Variants in IGSF1 observed in about 807,000 individuals in gnomAD.
IGSF1 encodes the protein immunoglobulin-like domain-containing protein 1.
In IGSF1, 40 loss-of-function variants were observed where a neutral mutation model predicts 95.3. The observed-to-expected ratio is 0.42, with a 90% CI of 0.33 to 0.55. IGSF1 has a LOEUF of 0.55. IGSF1 is among the 20% of genes least tolerant of loss of function. The probability of loss-of-function intolerance (pLI) is 0.10; values close to 1 mark genes in which losing one functional copy is unlikely to be tolerated. For missense variants in IGSF1, 906 were observed against 1,025.4 expected, an observed-to-expected ratio of 0.88 and a Z score of 1.59; for synonymous variants, 372 against 382.9, an observed-to-expected ratio of 0.97 and a Z score of 0.33.
At chrX:131,288,717 GGTTA>G (rs1314007560) in intron 1 of IGSF1, among the ~76,000 whole-genome samples, 1 of 110,770 alleles carries the variant, frequency 9.0e-6, no homozygotes, top group African/African-American at 3.3e-5. Flanking sequence ...CCAAGCCTTG[GGTTA>G]GTTGGCCACG....
At position 131,286,076 on chromosome X, in the gene IGSF1, T is replaced by A. The variant is rs1256916369; in HGVS notation, c.98-28A>T. 5 of 1,149,281 alleles carry A rather than the reference T, an allele frequency of 4.4e-6. No homozygotes were observed. The Admixed American group carries it at 9.3e-5, about 21-fold the overall frequency. The allele number at this position is 1,149,281 out of a possible 1,213,427, so 94.7% of individuals were successfully genotyped here. ...GTTATTCCCAAAGATCAAAAAGATATGAGCAGTCCAACCCTCTCCCTCCCA... is the reference window on the plus strand; with the variant it reads ...GTTATTCCCAAAGATCAAAAAGATAAGAGCAGTCCAACCCTCTCCCTCCCA... On this transcript the variant is annotated intron_variant, in intron 3 of 19. Transcript: ENST00000361420.
rs932262870 is a variant in IGSF1 at position 131,286,166 on chromosome X, G to A, written c.98-118C>T. ...CAGATCCCTCATTTTGTCTTCCCTT[G>A]GGGACAGGAGTGTGCTCCTGTGGGG... On this transcript the variant is annotated intron_variant, in intron 3 of 19. Coordinates refer to ENST00000361420, the MANE Select transcript of IGSF1 (RefSeq NM_001555.5). 23 of 681,114 alleles carry A rather than the reference G, an allele frequency of 3.4e-5. No homozygotes were observed. The Middle Eastern group carries it at 1.5e-3, about 45-fold the overall frequency. The allele number at this position is 681,114 out of a possible 1,213,427, so 56.1% of individuals were successfully genotyped here. A position where few individuals can be genotyped will look rare whatever the true frequency, so the allele number is the denominator to read the frequency against.
At position 131,276,037 on chromosome X, in the gene IGSF1, A is replaced by G; in HGVS notation, c.2820T>C (p.Tyr940=). 8.3e-7 allele frequency: 1 copy of G among 1,209,919 alleles called. No individual in the cohort carries two copies. The highest frequency in any genetic ancestry group is 1.8e-5 in the South Asian group (1 of 56,851). Reference sequence around the variant, plus strand: ...TGGTTGTCTCATAGTAGATACAGCTATAGTTCCCAGAGTCCTCTGCTCCAA... The same window carrying G: ...TGGTTGTCTCATAGTAGATACAGCTGTAGTTCCCAGAGTCCTCTGCTCCAA... The part of the protein sequence containing the change: ...HTVGAEDSGN[Y]SCIYYETTMS... Residue 940 remains tyrosine (Y), a synonymous_variant, in exon 15 of 20, where the codon TAT becomes TAC. Coordinates refer to ENST00000361420, the MANE Select transcript of IGSF1 (RefSeq NM_001555.5).
intron 15 of IGSF1, 82 bp from the exon 16 acceptor site, chrX:131,275,847 C>T (rs1480785823): frequency 8.7e-7 from 1 of 1,155,078 alleles, no homozygotes; most frequent in Non-Finnish European, 1.2e-6. Flanking sequence ...TCTTTCTCCT[C>T]TTGGGCACGG....
intron 2 of IGSF1, 66 bp from the exon 3 acceptor site, chrX:131,286,529 T>G (rs2080640407): frequency 2.6e-6 from 3 of 1,169,029 alleles, no homozygotes; most frequent in Non-Finnish European, 3.5e-6. Context: ...CAAACCTCAA[T>G]ACTTTCCTCT....
rs2080448343 is a variant in IGSF1, at chrX:131,274,131, C to G, written c.3827G>C (p.Gly1276Ala). Residue 1276 changes from glycine to alanine, a missense_variant, in exon 19 of 20, where the codon GGG (glycine) becomes GCG (alanine). Physicochemically the swap from Gly to Ala is moderately conservative, Grantham distance 60. This residue lies in a region of IGSF1 where 411 missense variants were observed against 494.9 expected (regional missense o/e 0.83). Coordinates refer to ENST00000361420, the MANE Select transcript of IGSF1 (RefSeq NM_001555.5). ...CTTCCACTCTATGGCTAGCACTACC[C>G]CCAAGGCTACAACAACCACCACGAT... ...SLIVVVVVALGVVLAIEWKKW... is the reference protein window; with the variant it reads ...SLIVVVVVALAVVLAIEWKKW... 1 of 1,209,646 alleles carries G rather than the reference C, an allele frequency of 8.3e-7. No homozygotes were observed. The highest frequency in any genetic ancestry group is 1.8e-5 in the African/African-American group (1 of 57,061).
chrX:131,289,345 C>G (rs999497115), upstream of IGSF1: 6 of 366,016 alleles, frequency 1.6e-5, no homozygotes, highest in Non-Finnish European at 2.1e-5. Context: ...CTCTCTCCCC[C>G]GCCCGCCTGC....
intron 1 of IGSF1, among the ~76,000 whole-genome samples, chrX:131,288,134 A>T (rs1418509182): frequency 9.0e-6 from 1 of 111,143 alleles, no homozygotes; most frequent in African/African-American, 3.3e-5. Flanking sequence ...TACATTTTTC[A>T]CTTTGTATCA....
At position 131,275,638 on chromosome X, in the gene IGSF1, G is replaced by A. The variant is rs771049802; in HGVS notation, c.3024C>T (p.Ala1008=). 58 of 1,209,581 alleles carry A rather than the reference G, an allele frequency of 4.8e-5. No individual in the cohort carries two copies. The African/African-American group carries it at 9.5e-4, about 20-fold the overall frequency. Residue 1008 remains alanine (A), a synonymous_variant, in exon 16 of 20, where the codon GCC becomes GCT. Coordinates refer to ENST00000361420, the MANE Select transcript of IGSF1 (RefSeq NM_001555.5). The stretch of plus-strand genomic sequence containing the variant: ...TGGATCCCCAGAGCTGCATTGAAGT[G>A]GCTTCTCCTTCTTTGTGCAGAATGT... The part of the protein sequence containing the change: ...VGYILHKEGE[A]TSMQLWGSTS...
chrX:131,274,930 T>C (rs2080457351), intron 17 of IGSF1, 53 bp from the exon 18 acceptor site: 1 of 1,198,664 alleles, frequency 8.3e-7, no homozygotes, highest in African/African-American at 1.7e-5. Flanking sequence ...ACTTAGCCTT[T>C]TACCCCCTTA....
intron 1 of IGSF1, 133 bp downstream of exon 1, chrX:131,289,081 G>C (rs965024878): frequency 6.1e-6 from 2 of 330,306 alleles, no homozygotes; most frequent in African/African-American, 5.2e-5. Flanking sequence ...CGGGTGGGGG[G>C]ACAGACTGGG....
chrX:131,281,533 C>G (rs1008369636), intron 8 of IGSF1, 133 bp downstream of exon 8: 10 of 883,000 alleles, frequency 1.1e-5, no homozygotes, highest in Non-Finnish European at 1.6e-5. Context: ...GTGAGACCAC[C>G]CCAGGGGAAG....
chrX:131,277,496 T>C, intron 13 of IGSF1: 1 of 373,206 alleles, frequency 2.7e-6, no homozygotes, highest in Non-Finnish European at 4.6e-6. Flanking sequence ...GTAGAATTTT[T>C]CTTGGGGTTC....
Position 131,277,166 on chromosome X carries a change from C to T in IGSF1, c.2381G>A (p.Arg794Gln), listed in dbSNP as rs1298201857. The T allele has an allele frequency of 9.1e-6, 11 of 1,208,554 alleles. No homozygotes were observed. Among genetic ancestry groups the T allele is most frequent in the East Asian group, 3.0e-5 (1 of 33,758 alleles). The change falls in exon 14 of 20, where the codon CGA (arginine) becomes CAA (glutamine). Residue 794 changes from arginine (R) to glutamine (Q), a missense_variant. This residue lies in a region of IGSF1 where 411 missense variants were observed against 494.9 expected (regional missense o/e 0.83). Coordinates refer to ENST00000361420, the MANE Select transcript of IGSF1 (RefSeq NM_001555.5). Reference sequence around the variant, plus strand: ...GGGGGTGGAGCAATTGAAAGTCACTCGGGCACCAGGGGTGACCACAGGGCT... The same window carrying T: ...GGGGGTGGAGCAATTGAAAGTCACTTGGGCACCAGGGGTGACCACAGGGCT... ...WASPVVTPGA[R>Q]VTFNCSTPHQ...
At chrX:131,277,762 G>A in intron 13 of IGSF1, 94 bp downstream of exon 13, 2 of 1,004,110 alleles carry the variant, frequency 2.0e-6, no homozygotes, top group African/African-American at 1.9e-5. Context: ...AGGACCAGCA[G>A]CAAAGTTTGC....
Position 131,283,234 on chromosome X carries a change from T to C in IGSF1, c.698A>G (p.His233Arg), listed in dbSNP as rs770826537. ...TCCAGGTGCCATGATGGGCCCAGGATGGGCTGTCAAAGTTGGTTTGGGGTA... is the reference window on the plus strand; with the variant it reads ...TCCAGGTGCCATGATGGGCCCAGGACGGGCTGTCAAAGTTGGTTTGGGGTA... ...GLYPKPTLTA[H>R]PGPIMAPGES... The change falls in exon 6 of 20, where the codon CAT becomes CGT. Residue 233 changes from histidine (H) to arginine (R), a missense_variant. This residue lies in a region of IGSF1 where 442 missense variants were observed against 448.1 expected (regional missense o/e 0.99). Coordinates refer to ENST00000361420, the MANE Select transcript of IGSF1 (RefSeq NM_001555.5). 8.3e-7 allele frequency: 1 copy of C among 1,209,849 alleles called. No individual in the cohort carries two copies.
intron 13 of IGSF1, 132 bp from the exon 14 acceptor site, chrX:131,277,358 A>G (rs1249735629): frequency 1.6e-6 from 1 of 629,856 alleles, no homozygotes; most frequent in African/African-American, 2.3e-5. Flanking sequence ...AAGTAAGTGC[A>G]TTTAAAAAGT....
intron 11 of IGSF1, 78 bp from the exon 12 acceptor site, chrX:131,278,829 C>G: frequency 1.1e-6 from 1 of 926,691 alleles, no homozygotes; most frequent in East Asian, 3.1e-5. Context: ...ACCCTCTACC[C>G]AGATCACACT....
In IGSF1 at chrX:131,281,713, T is replaced by C. The variant is rs1431884253; in HGVS notation, c.1478A>G (p.Asn493Ser). Residue 493 changes from asparagine to serine, a missense_variant, in exon 8 of 20, where the codon AAC (asparagine) becomes AGC (serine). Asn to Ser is a conservative substitution (Grantham distance 46). Coordinates refer to ENST00000361420, the MANE Select transcript of IGSF1 (RefSeq NM_001555.5). ...SCSYRVETHP[N>S]IWSHRSEPLK... ...GGGCTCACTGCGATGTGACCAGATG[T>C]TAGGATGTGTCTCTACGCGATAGCT... 1 of 1,211,114 alleles carries C rather than the reference T, an allele frequency of 8.3e-7. No individual in the cohort carries two copies. The highest frequency in any genetic ancestry group is 1.1e-6 in the Non-Finnish European group (1 of 894,999).
Sources: gnomAD v4.1 joint callset for allele counts (sites outside exome capture counted in the v4.1 genomes callset) on GRCh38, gnomAD v4.1.1 for gene constraint, gnomAD v4.1.1 regional missense constraint, MANE v1.5 for transcripts, NCBI Gene and HGNC (gene_info 2026-07-23, HGNC 2026-07-21) for gene names.